ACAP3: variants seen among roughly 807,000 people sequenced by gnomAD.
The protein encoded by ACAP3 is ArfGAP with coiled-coil, ankyrin repeat and PH domains 3.
A neutral mutation model predicts 104.1 loss-of-function variants in ACAP3; 56 were observed. The observed-to-expected ratio is 0.54, with a 90% CI of 0.43 to 0.67. The LOEUF is 0.67. Ranked by LOEUF, ACAP3 falls within the 30% of genes least tolerant of loss-of-function variation. The pLI, the probability that ACAP3 is intolerant of heterozygous loss-of-function variation, is 0.00. For missense variants in ACAP3, 1,208 were observed against 1,174.9 expected, an observed-to-expected ratio of 1.03 and a Z score of -0.41; for synonymous variants, 628 against 496.2, an observed-to-expected ratio of 1.27 and a Z score of -3.53.
Position 1,298,339 on chromosome 1 carries a change from T to C in ACAP3, c.915+31A>G, listed in dbSNP as rs199587616. The C allele has an allele frequency of 4.0e-3, 6,359 of 1,606,180 alleles. 16 individuals carry two copies. Among genetic ancestry groups the C allele is most frequent in the Non-Finnish European group, 5.1e-3 (6,017 of 1,176,068 alleles). ...GTGGCCCAGGTGGGGCGTCCAGCCA[T>C]CAGGGCCCCAGCCCCAGGCCCAGGG... On this transcript the variant is annotated intron_variant, in intron 12 of 23. Coordinates refer to ENST00000354700, the MANE Select transcript of ACAP3 (RefSeq NM_030649.3).
rs892786989 is a variant in ACAP3 at position 1,302,831 on chromosome 1, C to G, written c.279+91G>C. On this transcript the variant is annotated intron_variant, in intron 4 of 23. Coordinates refer to ENST00000354700, the MANE Select transcript of ACAP3 (RefSeq NM_030649.3). ...CCGACTAGAGGAGCAGAAACGTGCCCCCCCCAACCCGACGCCGGCCTTCAG... is the reference window on the plus strand; with the variant it reads ...CCGACTAGAGGAGCAGAAACGTGCCGCCCCCAACCCGACGCCGGCCTTCAG... The G allele has an allele frequency of 3.5e-5, 22 of 636,278 alleles. 1 individual carries two copies. The highest frequency in any genetic ancestry group is 2.7e-4 in the African/African-American group (14 of 51,996). 39.4% of individuals were successfully genotyped at this position (636,278 alleles called of 1,614,324 possible).
At chr1:1,299,514 C>A (rs1056057714) in intron 9 of ACAP3, 158 bp from the exon 10 acceptor site, 12 of 936,182 alleles carry the variant, frequency 1.3e-5, no homozygotes, top group African/African-American at 1.2e-4. Context: ...GCCACTCCTG[C>A]CTGCAGCCAA....
Position 1,293,912 on chromosome 1 carries a change from C to T in ACAP3, c.2271G>A (p.Lys757=). 6.3e-7 allele frequency: 1 copy of T among 1,578,684 alleles called. No homozygotes were observed. The highest frequency in any genetic ancestry group is 1.4e-5 in the African/African-American group (1 of 71,162). ...GRTGQVCLFL[K]RGADQHALDQ... The stretch of plus-strand genomic sequence containing the variant: ...CCAGGGCGTGCTGGTCCGCGCCCCG[C>T]TTCAGGAACAGGCAAACCTGGCTGA... The change falls in exon 23 of 24, where the codon AAG becomes AAA. Residue 757 remains lysine (K), a synonymous_variant. Transcript: ENST00000354700.
intron 4 of ACAP3, among the ~76,000 whole-genome samples, chr1:1,302,406 G>A (rs1191825185): frequency 6.6e-6 from 1 of 152,074 alleles, no homozygotes; most frequent in Non-Finnish European, 1.5e-5. Flanking sequence ...GCACCCAGGG[G>A]CTGGGCCTGG....
chr1:1,297,094 C>T lies in ACAP3; in HGVS notation c.1129-461G>A, dbSNP rs148453345. Among the ~76,000 whole-genome samples the T allele has an allele frequency of 2.5e-3, 376 of 152,278 alleles. 2 individuals carry two copies. The highest frequency in any genetic ancestry group is 3.9e-3 in the Non-Finnish European group (267 of 68,016). ...ACGTGTGTGGGGCAGGGGCCATCCCCAGTGGCACGTAGGTGTGTGCACCGG... is the reference window on the plus strand; with the variant it reads ...ACGTGTGTGGGGCAGGGGCCATCCCTAGTGGCACGTAGGTGTGTGCACCGG... On this transcript the variant is annotated intron_variant, in intron 14 of 23. Transcript: ENST00000354700.
chr1:1,294,805 C>T lies in ACAP3; in HGVS notation c.1825G>A (p.Asp609Asn). ...AGAGPRSLSS[D>N]SGLGGSSDGS... ...TCCGAGCTGCCCCCAAGGCCACTGT[C>T]GCTACTCAGACCTGCAGGTCCGCAG... The change falls in exon 20 of 24, where the codon GAC becomes AAC. Residue 609 changes from aspartate to asparagine, a missense_variant. Coordinates refer to ENST00000354700, the MANE Select transcript of ACAP3 (RefSeq NM_030649.3). 1 of 1,549,906 alleles carries T rather than the reference C, an allele frequency of 6.5e-7. No individual in the cohort carries two copies. The highest frequency in any genetic ancestry group is 8.7e-7 in the Non-Finnish European group (1 of 1,146,712).
At chr1:1,299,545 C>A in intron 9 of ACAP3, 189 bp from the exon 10 acceptor site, 2 of 797,220 alleles carry the variant, frequency 2.5e-6, no homozygotes, top group Non-Finnish European at 3.9e-6. Flanking sequence ...GGATGGTGGC[C>A]GGGGCTGCTG....
chr1:1,297,282 C>T lies in ACAP3; in HGVS notation c.1128+540G>A, dbSNP rs1421882414. Among the ~76,000 whole-genome samples, 4 of 37,732 alleles carry T rather than the reference C, an allele frequency of 1.1e-4. No homozygotes were observed. The African/African-American group carries it at 1.2e-3, about 11-fold the overall frequency. 24.8% of individuals were successfully genotyped at this position (37,732 alleles called of 152,430 possible). A position where few individuals can be genotyped will look rare whatever the true frequency, so the allele number is the denominator to read the frequency against. ...GGGGCAGGGGCCATCCCCGGTGGCA[C>T]GTGTGTGTGTGCACAGGCGCGGGGC... is the stretch of plus-strand genomic sequence containing the variant. On this transcript the variant is annotated intron_variant, in intron 14 of 23. Coordinates refer to ENST00000354700, the MANE Select transcript of ACAP3 (RefSeq NM_030649.3).
Position 1,300,135 on chromosome 1 carries a change from A to G in ACAP3, c.567+23T>C, listed in dbSNP as rs772638994. 4 of 1,609,084 alleles carry G rather than the reference A, an allele frequency of 2.5e-6. No homozygotes were observed. In the African/African-American group the frequency reaches 4.0e-5, roughly 16 times the overall value. ...AGCCCCCAACATGCAGCCTGTGCTCAGGGGCAGCCCCCACGCACTCACAGA... is the reference window on the plus strand; with the variant it reads ...AGCCCCCAACATGCAGCCTGTGCTCGGGGGCAGCCCCCACGCACTCACAGA... On this transcript the variant is annotated intron_variant, in intron 7 of 23. Coordinates refer to ENST00000354700, the MANE Select transcript of ACAP3 (RefSeq NM_030649.3).
In ACAP3 at chr1:1,303,996, A is replaced by G. The variant is rs562260539; in HGVS notation, c.105+90T>C. On this transcript the variant is annotated intron_variant, in intron 2 of 23. Transcript: ENST00000354700. This position sits in a 1 kb window ranked among gnomAD's most constrained non-coding sequence, Gnocchi z 4.0. ...CGCATGCTCCACATATGGGGGGTGT[A>G]AGTGGCTTAGTAAGGCCTGGAGGGC... 5 of 1,475,546 alleles carry G rather than the reference A, an allele frequency of 3.4e-6. No individual in the cohort carries two copies. The highest frequency in any genetic ancestry group is 4.6e-6 in the Non-Finnish European group (5 of 1,084,714). The allele number at this position is 1,475,546 out of a possible 1,614,324, so 91.4% of individuals were successfully genotyped here. A position where few individuals can be genotyped will look rare whatever the true frequency, so the allele number is the denominator to read the frequency against.
Position 1,303,936 on chromosome 1 carries a change from G to A in ACAP3, c.105+150C>T. 1 of 922,116 alleles carries A rather than the reference G, an allele frequency of 1.1e-6. No individual in the cohort carries two copies. Among genetic ancestry groups the A allele is most frequent in the Non-Finnish European group, 1.6e-6 (1 of 608,446 alleles). 57.1% of individuals were successfully genotyped at this position (922,116 alleles called of 1,614,324 possible). A position where few individuals can be genotyped will look rare whatever the true frequency, so the allele number is the denominator to read the frequency against. ...GACATGTGCACCCTGGAACACACAT[G>A]CTAAGACACAGGGACCAGGACCTGG... is the stretch of plus-strand genomic sequence containing the variant. On this transcript the variant is annotated intron_variant, in intron 2 of 23. Coordinates refer to ENST00000354700, the MANE Select transcript of ACAP3 (RefSeq NM_030649.3). This position sits in a 1 kb window ranked among gnomAD's most constrained non-coding sequence, Gnocchi z 4.0.
chr1:1,302,112 A>G (rs1221723361), intron 4 of ACAP3, 66 bp from the exon 5 acceptor site: 2 of 1,345,782 alleles, frequency 1.5e-6, no homozygotes, highest in Non-Finnish European at 2.0e-6. Flanking sequence ...GGAAGGCCCC[A>G]TCCTCACCAG....
At position 1,302,066 on chromosome 1, in the gene ACAP3, G is replaced by A. The variant is rs1417510180; in HGVS notation, c.280-20C>T. ...CAGGATCTGGGGGCAGAGGCGGGCA[G>A]AGATCCTTGGGGTCTGTCCCGAAAG... On this transcript the variant is annotated intron_variant, in intron 4 of 23. Coordinates refer to ENST00000354700, the MANE Select transcript of ACAP3 (RefSeq NM_030649.3). The A allele has an allele frequency of 6.6e-7, 1 of 1,514,404 alleles. No homozygotes were observed. Among genetic ancestry groups the A allele is most frequent in the Non-Finnish European group, 8.9e-7 (1 of 1,124,860 alleles). The allele number at this position is 1,514,404 out of a possible 1,614,324, so 93.8% of individuals were successfully genotyped here. A position where few individuals can be genotyped will look rare whatever the true frequency, so the allele number is the denominator to read the frequency against.
At position 1,294,131 on chromosome 1, in the gene ACAP3, G is replaced by A. The variant is rs1030926723; in HGVS notation, c.2208C>T (p.Gly736=). ...GCGTGGCGTGGTGCAGGGGCGCCCG[G>A]CCCCGGCTGTCTCTTTGGTTCACGT... The part of the protein sequence containing the change: ...GADVNQRDSR[G]RAPLHHATLL... The change falls in exon 22 of 24, where the codon GGC becomes GGT. Residue 736 remains glycine, a synonymous_variant. Transcript: ENST00000354700. 41 of 1,592,126 alleles carry A rather than the reference G, an allele frequency of 2.6e-5. No homozygotes were observed. Among genetic ancestry groups the A allele is most frequent in the Non-Finnish European group, 3.5e-5 (41 of 1,169,662 alleles).
At position 1,298,901 on chromosome 1, in the gene ACAP3, G is replaced by C. The variant is rs905143791; in HGVS notation, c.751-222C>G. Reference sequence around the variant, plus strand: ...GTGGGGCAGACCCCTCACGTTCACAGCTGGGGGCCCGAGAGTGCCGGCCCC... The same window carrying C: ...GTGGGGCAGACCCCTCACGTTCACACCTGGGGGCCCGAGAGTGCCGGCCCC... On this transcript the variant is annotated intron_variant, in intron 10 of 23. Coordinates refer to ENST00000354700, the MANE Select transcript of ACAP3 (RefSeq NM_030649.3). The C allele has an allele frequency of 1.9e-5, 11 of 577,926 alleles. No individual in the cohort carries two copies. In the African/African-American group the frequency reaches 2.1e-4, roughly 11 times the overall value. 35.8% of individuals were successfully genotyped at this position (577,926 alleles called of 1,614,324 possible). A position where few individuals can be genotyped will look rare whatever the true frequency, so the allele number is the denominator to read the frequency against.
chr1:1,304,051 G>T, intron 2 of ACAP3, 35 bp downstream of exon 2: 1 of 1,550,052 alleles, frequency 6.5e-7, no homozygotes. Flanking sequence ...TCCCAAGCTT[G>T]GCCGGGCACA....
Position 1,303,197 on chromosome 1 carries a change from G to A in ACAP3, c.190C>T (p.Leu64=). The change falls in exon 3 of 24, where the codon CTG becomes TTG. Residue 64 remains leucine, a synonymous_variant. Transcript: ENST00000354700. This position sits in a 1 kb window ranked among gnomAD's most constrained non-coding sequence, Gnocchi z 4.0. ...GTGTCGCCCTGGCACTGCTGGGACA[G>A]GTCGCGGACGCCGCTCACGAAAAGC... ...SRLFVSGVRD[L]SQQCQGDTVI... The A allele has an allele frequency of 1.2e-6, 2 of 1,606,820 alleles. No individual in the cohort carries two copies. Among genetic ancestry groups the A allele is most frequent in the Non-Finnish European group, 1.7e-6 (2 of 1,177,520 alleles).
At position 1,300,172 on chromosome 1, in the gene ACAP3, C is replaced by G; in HGVS notation, c.553G>C (p.Glu185Gln). The G allele has an allele frequency of 1.2e-6, 2 of 1,610,476 alleles. No homozygotes were observed. The highest frequency in any genetic ancestry group is 1.7e-6 in the Non-Finnish European group (2 of 1,178,710). ...INVLQAKKKFEILDSMLSFMH... is the reference protein window; with the variant it reads ...INVLQAKKKFQILDSMLSFMH... ...CACGCACTCACAGAGTCCAGGATCT[C>G]AAACTTCTTCTTGGCCTGCAGAACA... The change falls in exon 7 of 24, where the codon GAG (glutamate) becomes CAG (glutamine). Residue 185 changes from glutamate (E) to glutamine (Q), a missense_variant. Physicochemically the swap from Glu to Gln is conservative, Grantham distance 29. Coordinates refer to ENST00000354700, the MANE Select transcript of ACAP3 (RefSeq NM_030649.3).
intron 10 of ACAP3, 78 bp from the exon 11 acceptor site, chr1:1,298,757 G>A (rs370042082): frequency 4.5e-6 from 5 of 1,119,354 alleles, no homozygotes; most frequent in East Asian, 2.4e-5. Flanking sequence ...GAGCACAGGT[G>A]GGGGTGAGGT....
Sources: allele counts gnomAD v4.1 joint callset (sites outside exome capture counted in the v4.1 genomes callset), GRCh38; gene constraint gnomAD v4.1.1; non-coding constraint Gnocchi (gnomAD v3.1); transcripts MANE v1.5; gene names NCBI Gene and HGNC (gene_info 2026-07-23, HGNC 2026-07-21).